USP28: variants seen among roughly 807,000 people sequenced by gnomAD.
USP28 encodes the protein ubiquitin carboxyl-terminal hydrolase 28.
In USP28, 113 loss-of-function variants were observed where a neutral mutation model predicts 145.0. The ratio of observed to expected loss-of-function variants is 0.78; its 90% CI spans 0.67 to 0.91. The LOEUF is 0.91. USP28 is among the 40% of genes least tolerant of loss of function. USP28 has a pLI of 0.00. For synonymous variants in USP28, 447 were observed against 450.9 expected (o/e 0.99, Z 0.11); for missense variants, 1,201 against 1,289.6 (o/e 0.93, Z 1.05).
At chr11:113,826,417 G>A (rs1416929703) in intron 11 of USP28, among the ~76,000 whole-genome samples, 1 of 136,616 alleles carries the variant, frequency 7.3e-6, no homozygotes, top group Non-Finnish European at 1.5e-5. Context: ...GACATGAACA[G>A]GGCTCACTGG....
At chr11:113,813,984 C>T in intron 14 of USP28, 29 bp from the exon 15 acceptor site, 1 of 1,538,202 alleles carries the variant, frequency 6.5e-7, no homozygotes, top group Non-Finnish European at 8.9e-7. Context: ...ACAAAAGCTT[C>T]ACTAAAATGA....
intron 23 of USP28, among the ~76,000 whole-genome samples, chr11:113,802,728 CTT>C (rs1414650255): frequency 4.6e-5 from 7 of 152,212 alleles, no homozygotes; most frequent in African/African-American, 1.7e-4. Context: ...GTCACTAAAA[CTT>C]TAAGTCTACC....
intron 3 of USP28, among the ~76,000 whole-genome samples, chr11:113,852,147 G>A (rs1946532955): frequency 6.6e-6 from 1 of 152,082 alleles, no homozygotes. Flanking sequence ...TCCTGCCTCA[G>A]CCTCCCGAGC....
At chr11:113,852,734 T>A (rs1946614115) in intron 2 of USP28, 101 bp from the exon 3 acceptor site, 1 of 1,318,784 alleles carries the variant, frequency 7.6e-7, no homozygotes, top group South Asian at 1.3e-5. Context: ...CTGAGTACTT[T>A]CAGGCATAAT....
Position 113,840,765 on chromosome 11 carries a change from G to A in USP28, c.375-8C>T. The A allele has an allele frequency of 4.3e-6, 7 of 1,610,986 alleles. No individual in the cohort carries two copies. Among genetic ancestry groups the A allele is most frequent in the Non-Finnish European group, 5.9e-6 (7 of 1,178,868 alleles). On this transcript the variant is annotated splice_polypyrimidine_tract_variant and splice_region_variant and intron_variant, in intron 4 of 24. Coordinates refer to ENST00000003302, the Ensembl canonical transcript of USP28. ...GAGGTTGCTTCATGCATCCTATATT[G>A]TGCAGCGTGCCACACAGCAAAAAAG...
chr11:113,809,054 C>T lies in USP28; in HGVS notation c.2164+9G>A, dbSNP rs746857406. The stretch of plus-strand genomic sequence containing the variant: ...ACTGGATCACTGGCATAAATGCCTT[C>T]TCAGATACCTTGTGATGTAGAGTAG... On this transcript the variant is annotated intron_variant, in intron 17 of 24. Coordinates refer to ENST00000003302, the Ensembl canonical transcript of USP28. 6.2e-7 allele frequency: 1 copy of T among 1,611,672 alleles called. No individual in the cohort carries two copies. The highest frequency in any genetic ancestry group is 8.5e-7 in the Non-Finnish European group (1 of 1,178,286).
intron 23 of USP28, 117 bp downstream of exon 24, chr11:113,803,041 G>T (rs1304090935): frequency 1.7e-6 from 2 of 1,187,946 alleles, no homozygotes; most frequent in East Asian, 5.4e-5. Context: ...TGAGAATTTT[G>T]GGGGGAAATC....
chr11:113,804,961 A>G, exon 20 of USP28: 5 of 1,614,182 alleles, frequency 3.1e-6, no homozygotes, highest in Non-Finnish European at 4.2e-6. Flanking sequence ...AAAGTAGACA[A>G]GGACATGCTG....
At chr11:113,862,184 TAA>T (rs1260261580) in intron 1 of USP28, among the ~76,000 whole-genome samples, 1 of 151,986 alleles carries the variant, frequency 6.6e-6, no homozygotes, top group East Asian at 1.9e-4. Flanking sequence ...CCATCTCTAC[TAA>T]AAATACAAAA....
exon 14 of USP28, chr11:113,815,249 C>A: frequency 6.2e-7 from 1 of 1,614,210 alleles, no homozygotes. Flanking sequence ...TCATCTGTGA[C>A]TGTTCGTGGA....
intron 1 of USP28, among the ~76,000 whole-genome samples, chr11:113,872,877 G>C (rs1948970601): frequency 6.6e-6 from 1 of 152,160 alleles, no homozygotes; most frequent in South Asian, 2.1e-4. Context: ...GCAGTCTAGA[G>C]GATTTAGTGA....
chr11:113,801,653 A>C, exon 24 of USP28: 2 of 1,583,028 alleles, frequency 1.3e-6, no homozygotes, highest in Non-Finnish European at 8.6e-7. Flanking sequence ...TGTTTCAAAA[A>C]GAGAAGCTGC....
intron 1 of USP28, among the ~76,000 whole-genome samples, chr11:113,870,808 T>C (rs1948735643): frequency 1.3e-5 from 2 of 152,336 alleles, no homozygotes; most frequent in South Asian, 2.1e-4. Context: ...GTTTTGTATA[T>C]TGAGTCTGAA....
intron 23 of USP28, among the ~76,000 whole-genome samples, chr11:113,802,055 G>A (rs1294318356): frequency 6.6e-6 from 1 of 152,148 alleles, no homozygotes; most frequent in Non-Finnish European, 1.5e-5. Flanking sequence ...GCCCTTCCCA[G>A]GGATTCTGGT....
intron 1 of USP28, among the ~76,000 whole-genome samples, chr11:113,871,268 G>C (rs1488655395): frequency 1.3e-5 from 2 of 152,208 alleles, no homozygotes; most frequent in African/African-American, 4.8e-5. Context: ...TAGGGGATGT[G>C]AATGCTGCTG....
chr11:113,857,780 C>T (rs112960852), intron 1 of USP28, among the ~76,000 whole-genome samples: 2,327 of 152,232 alleles, frequency 0.015, 36 homozygotes, highest in Non-Finnish European at 0.024. Context: ...ATTACCATTC[C>T]TCTTTCTCCA....
At chr11:113,822,639 T>C (rs934203428) in intron 12 of USP28, among the ~76,000 whole-genome samples, 1 of 152,200 alleles carries the variant, frequency 6.6e-6, no homozygotes, top group Non-Finnish European at 1.5e-5. Context: ...ATAAAAATAA[T>C]TTAAAATTTC....
chr11:113,875,570 T>C, exon 1 of USP28: 1 of 1,081,428 alleles, frequency 9.2e-7, no homozygotes, highest in Non-Finnish European at 1.1e-6. Flanking sequence ...CTCTCAGGAC[T>C]AGGCCCCGCC....
chr11:113,860,602 GA>G (rs1374630095), intron 1 of USP28, among the ~76,000 whole-genome samples: 4 of 151,996 alleles, frequency 2.6e-5, no homozygotes, highest in African/African-American at 9.7e-5. Flanking sequence ...ACAAGGTCAG[GA>G]GTTCAAGACC....
Sources: allele counts gnomAD v4.1 joint callset (sites outside exome capture counted in the v4.1 genomes callset), GRCh38; gene constraint gnomAD v4.1.1; transcripts MANE v1.5; gene names NCBI Gene and HGNC (gene_info 2026-07-23, HGNC 2026-07-21).